ADAMTS9: variants seen among roughly 807,000 people sequenced by gnomAD.
ADAMTS9 encodes the protein A disintegrin and metalloproteinase with thrombospondin motifs 9.
Under a neutral mutation model 257.1 loss-of-function variants are expected in ADAMTS9, and 107 were observed. That is an observed-to-expected ratio of 0.42 (90% CI 0.36 to 0.49). The LOEUF is 0.49. Among genes scored for constraint, ADAMTS9 ranks in the 20% least tolerant of loss-of-function variants. ADAMTS9 has a pLI of 0.03. For synonymous variants in ADAMTS9, 982 were observed against 880.9 expected (o/e 1.11, Z -2.03); for missense variants, 2,353 against 2,469.1 (o/e 0.95, Z 1.00).
intron 12 of ADAMTS9, 127 bp downstream of exon 12, chr3:64,641,721 C>A: frequency 8.0e-7 from 1 of 1,251,340 alleles, no homozygotes. Context: ...GTCTAAGCAG[C>A]CCTTGAAGTT....
At chr3:64,549,404 A>T (rs1312554196) in intron 31 of ADAMTS9, among the ~76,000 whole-genome samples, 1 of 152,132 alleles carries the variant, frequency 6.6e-6, no homozygotes, top group Non-Finnish European at 1.5e-5. Context: ...GGCCAGGTGA[A>T]AGGTGAGATC....
At position 64,654,469 on chromosome 3, in the gene ADAMTS9, G is replaced by GA. The variant is rs748897943; in HGVS notation, c.1211-12dup. 2.5e-6 allele frequency: 4 copies of GA among 1,612,102 alleles called. No individual in the cohort carries two copies. Among genetic ancestry groups the GA allele is most frequent in the South Asian group, 2.2e-5 (2 of 90,774 alleles). The stretch of plus-strand genomic sequence containing the variant: ...CCAGTTCAGCCAGGCCTATTAGAAG[G>GA]AAAAAAACCAACAAGGATTTACTCT... On this transcript the variant is annotated splice_polypyrimidine_tract_variant and intron_variant, in intron 7 of 39. Transcript: ENST00000498707.
intron 16 of ADAMTS9, 38 bp downstream of exon 16, chr3:64,631,417 G>A (rs959434813): frequency 6.5e-7 from 1 of 1,537,728 alleles, no homozygotes; most frequent in Admixed American, 1.7e-5. Context: ...CTGCTCCATA[G>A]AACCAGAACT....
chr3:64,638,579 G>C (rs1031698707), intron 12 of ADAMTS9, among the ~76,000 whole-genome samples: 1 of 152,066 alleles, frequency 6.6e-6, no homozygotes, highest in Non-Finnish European at 1.5e-5. Context: ...CTTATCTGTA[G>C]GGCATGGATC....
At chr3:64,604,965 C>T (rs1322844458) in intron 23 of ADAMTS9, among the ~76,000 whole-genome samples, 2 of 152,220 alleles carry the variant, frequency 1.3e-5, no homozygotes, top group Non-Finnish European at 1.5e-5. Flanking sequence ...CTCATATTCA[C>T]TCTCAGCCTC....
chr3:64,597,104 C>A, intron 26 of ADAMTS9, 113 bp from the exon 27 acceptor site: 2 of 1,400,992 alleles, frequency 1.4e-6, no homozygotes, highest in Non-Finnish European at 1.9e-6. Context: ...TCAAGTCATC[C>A]ACGAAGGACA....
chr3:64,653,784 C>T (rs577630338), intron 8 of ADAMTS9, among the ~76,000 whole-genome samples: 13 of 152,304 alleles, frequency 8.5e-5, no homozygotes, highest in African/African-American at 3.1e-4. Flanking sequence ...AAGGGAAAGG[C>T]CATTTCATAA....
intron 16 of ADAMTS9, among the ~76,000 whole-genome samples, chr3:64,625,219 A>T (rs1193793956): frequency 6.6e-6 from 1 of 152,208 alleles, no homozygotes; most frequent in Non-Finnish European, 1.5e-5. Flanking sequence ...CACCAACAGC[A>T]TCATGTCTTA....
chr3:64,523,872 T>C (rs1214460898), intron 38 of ADAMTS9, among the ~76,000 whole-genome samples: 1 of 152,210 alleles, frequency 6.6e-6, no homozygotes, highest in Non-Finnish European at 1.5e-5. Context: ...TTAAAGTTTT[T>C]TGAACTACAA....
chr3:64,666,650 A>G (rs1283347099), intron 3 of ADAMTS9, among the ~76,000 whole-genome samples: 2 of 117,624 alleles, frequency 1.7e-5, no homozygotes, highest in East Asian at 4.6e-4. Context: ...TGGTAATAAC[A>G]GCATACTGCA....
At chr3:64,561,478 T>C in intron 30 of ADAMTS9, 100 bp downstream of exon 30, 1 of 1,338,112 alleles carries the variant, frequency 7.5e-7, no homozygotes, top group South Asian at 1.5e-5. Flanking sequence ...ATTGTAACCG[T>C]GCTCGGTGAC....
At chr3:64,664,880 G>T (rs1210941523) in intron 3 of ADAMTS9, among the ~76,000 whole-genome samples, 2 of 152,066 alleles carry the variant, frequency 1.3e-5, no homozygotes, top group Non-Finnish European at 2.9e-5. Flanking sequence ...CCATTTTCTT[G>T]CTTCTTCTTG....
intron 16 of ADAMTS9, among the ~76,000 whole-genome samples, chr3:64,630,343 C>T (rs915391558): frequency 6.6e-6 from 1 of 152,068 alleles, no homozygotes; most frequent in African/African-American, 2.4e-5. Context: ...GCAGGAAGAT[C>T]GCTTGAGGCC....
chr3:64,596,042 TTAC>T (rs1461555115), intron 27 of ADAMTS9, among the ~76,000 whole-genome samples: 7 of 152,228 alleles, frequency 4.6e-5, no homozygotes, highest in South Asian at 2.1e-4. Context: ...ACATTAATTA[TTAC>T]TACATTATAG....
chr3:64,651,330 G>C (rs576947959), intron 8 of ADAMTS9, among the ~76,000 whole-genome samples, 167 bp from the exon 9 acceptor site: 16 of 152,292 alleles, frequency 1.1e-4, no homozygotes, highest in Non-Finnish European at 1.5e-4. Flanking sequence ...TCAAGATAGA[G>C]TGTAGATTAA....
intron 31 of ADAMTS9, among the ~76,000 whole-genome samples, chr3:64,548,378 G>A (rs77896320): frequency 1.3e-5 from 2 of 152,234 alleles, no homozygotes; most frequent in East Asian, 1.9e-4. Flanking sequence ...CCAAGTTGAC[G>A]CCAGGCCAGG....
chr3:64,606,237 A>T (rs935675246), intron 23 of ADAMTS9, among the ~76,000 whole-genome samples: 49 of 152,348 alleles, frequency 3.2e-4, no homozygotes, highest in African/African-American at 1.2e-3. Flanking sequence ...AATCTGCATC[A>T]TTAACATTTT....
intron 39 of ADAMTS9, among the ~76,000 whole-genome samples, chr3:64,517,544 C>T (rs1015410854): frequency 1.4e-5 from 2 of 144,948 alleles, no homozygotes; most frequent in Non-Finnish European, 3.0e-5. Flanking sequence ...TAGGCATGAA[C>T]CACCACGCTG....
intron 4 of ADAMTS9, among the ~76,000 whole-genome samples, chr3:64,658,017 T>C (rs941884216): frequency 3.3e-5 from 5 of 152,178 alleles, no homozygotes; most frequent in African/African-American, 1.2e-4. Context: ...CAGGTGACTA[T>C]GGTTCACAAC....
Sources: gnomAD v4.1 joint callset for allele counts (sites outside exome capture counted in the v4.1 genomes callset) on GRCh38, gnomAD v4.1.1 for gene constraint, MANE v1.5 for transcripts, NCBI Gene and HGNC (gene_info 2026-07-23, HGNC 2026-07-21) for gene names.